CSMD2: variants seen among roughly 807,000 people sequenced by gnomAD.
CSMD2 encodes the protein CUB and Sushi multiple domains 2, also known as CUB and sushi domain-containing protein 2.
Under a neutral mutation model 398.5 loss-of-function variants are expected in CSMD2, and 130 were observed. That is an observed-to-expected ratio of 0.33 (90% confidence interval 0.28 to 0.38). The LOEUF (loss-of-function observed/expected upper bound fraction) is 0.38, where lower values mean the gene tolerates loss of function less well. CSMD2 is among the 10% of genes least tolerant of loss of function. The pLI is 1.00. For missense variants in CSMD2, 3,829 were observed against 4,764.9 expected, an observed-to-expected ratio of 0.80 and a Z score of 5.78; for synonymous variants, 1,828 against 1,908.5, an observed-to-expected ratio of 0.96 and a Z score of 1.10.
chr1:33,664,464 C>T (rs771746568), intron 25 of CSMD2, among the ~76,000 whole-genome samples: 32 of 152,116 alleles, frequency 2.1e-4, no homozygotes, highest in Non-Finnish European at 1.3e-4. Flanking sequence ...GCTAATATTT[C>T]AGTTGACTTG....
intron 28 of CSMD2, among the ~76,000 whole-genome samples, chr1:33,651,361 G>A (rs1043768132): frequency 2.6e-5 from 4 of 152,178 alleles, no homozygotes; most frequent in Admixed American, 2.6e-4. Context: ...CTCTTCTGGG[G>A]GAGAAAAAAT....
At chr1:34,143,541 G>A (rs1010400988) in intron 1 of CSMD2, among the ~76,000 whole-genome samples, 2 of 152,156 alleles carry the variant, frequency 1.3e-5, no homozygotes, top group Non-Finnish European at 2.9e-5. Flanking sequence ...CTCTGCAGGT[G>A]ATATATTAGA....
rs141234119 is a variant in CSMD2 at position 33,780,881 on chromosome 1, T to C, written c.1663+7719A>G. Among the ~76,000 whole-genome samples, 48 of 152,278 alleles carry C rather than the reference T, an allele frequency of 3.2e-4. No homozygotes were observed. The East Asian group carries it at 8.9e-3, about 28-fold the overall frequency. On this transcript the variant is annotated intron_variant, in intron 12 of 70. Coordinates refer to ENST00000373381, the MANE Select transcript of CSMD2 (RefSeq NM_001281956.2). ...AAGTTGGAATGTTTGGGCCTTCCAG[T>C]TTATGGGGAAAAGACAAGAAATAGA...
At chr1:33,914,057 A>G (rs2125272400) in intron 5 of CSMD2, among the ~76,000 whole-genome samples, 1 of 152,260 alleles carries the variant, frequency 6.6e-6, no homozygotes, top group East Asian at 1.9e-4. Flanking sequence ...CCCCAGTCCC[A>G]GTCCTTTGAA....
chr1:33,896,318 G>A (rs760464393), intron 5 of CSMD2, among the ~76,000 whole-genome samples: 1 of 152,010 alleles, frequency 6.6e-6, no homozygotes, highest in African/African-American at 2.4e-5. Context: ...GCACATTTTT[G>A]CAGTAGGACC....
intron 1 of CSMD2, among the ~76,000 whole-genome samples, chr1:34,133,679 CTA>C (rs1638396345): frequency 6.6e-6 from 1 of 151,900 alleles, no homozygotes; most frequent in South Asian, 2.1e-4. Context: ...GTGCAAAAGG[CTA>C]TGTTTCACAC....
At chr1:33,675,653 A>C (rs1367877725) in intron 25 of CSMD2, among the ~76,000 whole-genome samples, 7 of 152,246 alleles carry the variant, frequency 4.6e-5, no homozygotes, top group East Asian at 1.9e-4. Context: ...GAGACACAAC[A>C]AAAAAAGAGA....
Position 34,164,929 on chromosome 1 carries a change from T to G in CSMD2, c.169A>C (p.Ser57Arg), listed in dbSNP as rs1397054412. ...LLLLLGCGLL[S>R]VSAAAGQNCT... is the part of the protein sequence containing the mutation. ...GACTCACCCGCGGCGGCCGAGACGC[T>G]GAGCAACCCACAGCCCAGCAACAGC... Residue 57 changes from serine (S) to arginine (R), a missense_variant, in exon 1 of 71, where the codon AGC (serine) becomes CGC (arginine). By Grantham distance (110) the Ser-to-Arg change is moderately radical. Transcript: ENST00000373381. This position sits in a 1 kb window ranked among gnomAD's most constrained non-coding sequence, Gnocchi z 6.2. 8.2e-7 allele frequency: 1 copy of G among 1,219,436 alleles called. No individual in the cohort carries two copies. The highest frequency in any genetic ancestry group is 4.3e-5 in the Admixed American group (1 of 23,182). 75.5% of individuals were successfully genotyped at this position (1,219,436 alleles called of 1,614,324 possible).
chr1:33,646,539 TG>T, intron 29 of CSMD2, 108 bp downstream of exon 29: 2 of 1,199,858 alleles, frequency 1.7e-6, no homozygotes, highest in Non-Finnish European at 1.2e-6. Flanking sequence ...AGGGTTGGTG[TG>T]GGCTTGCTGT....
intron 13 of CSMD2, among the ~76,000 whole-genome samples, chr1:33,756,740 T>C (rs990223984): frequency 4.6e-5 from 7 of 152,032 alleles, no homozygotes; most frequent in Admixed American, 4.6e-4. Context: ...CAAGGTCTTT[T>C]AAAAATCATG....
chr1:34,017,253 T>C (rs539092610), intron 3 of CSMD2, among the ~76,000 whole-genome samples: 5 of 152,362 alleles, frequency 3.3e-5, no homozygotes, highest in Middle Eastern at 3.4e-3. Flanking sequence ...GAAATTCACC[T>C]ACTTTTAACA....
chr1:34,150,600 A>G (rs1260434168), intron 1 of CSMD2, among the ~76,000 whole-genome samples: 3 of 152,154 alleles, frequency 2.0e-5, no homozygotes, highest in Non-Finnish European at 2.9e-5. Flanking sequence ...CTCACTAAGC[A>G]TAGGGCCTGA....
At chr1:33,561,959 A>G (rs1190185958) in intron 53 of CSMD2, among the ~76,000 whole-genome samples, 1 of 152,160 alleles carries the variant, frequency 6.6e-6, no homozygotes, top group Non-Finnish European at 1.5e-5. Flanking sequence ...AAGAGAGAGA[A>G]GAATGTTGAG....
At chr1:33,572,795 C>A (rs1165874295) in intron 49 of CSMD2, 104 bp from the exon 50 acceptor site, 3 of 833,476 alleles carry the variant, frequency 3.6e-6, no homozygotes, top group East Asian at 2.9e-5. Flanking sequence ...TTAGTAAAAA[C>A]TAATTAAAGG....
At chr1:34,004,527 T>C (rs1168593333) in intron 3 of CSMD2, among the ~76,000 whole-genome samples, 1 of 152,208 alleles carries the variant, frequency 6.6e-6, no homozygotes, top group Non-Finnish European at 1.5e-5. Context: ...ATTTTCTTGA[T>C]TCAAGCACGC....
intron 3 of CSMD2, among the ~76,000 whole-genome samples, chr1:33,955,136 C>T (rs1157195978): frequency 2.0e-5 from 3 of 152,246 alleles, no homozygotes; most frequent in Admixed American, 1.3e-4. Flanking sequence ...GGATCCCCAT[C>T]TGCCTTTCTC....
chr1:33,554,017 T>C (rs547897629), intron 55 of CSMD2, among the ~76,000 whole-genome samples: 1 of 151,808 alleles, frequency 6.6e-6, no homozygotes, highest in East Asian at 1.9e-4. Flanking sequence ...CAAGCAGAGG[T>C]TGGCTTATGA....
At chr1:33,966,368 G>A (rs16836145) in intron 3 of CSMD2, among the ~76,000 whole-genome samples, 10,234 of 152,240 alleles carry the variant, frequency 0.067, 823 homozygotes, top group East Asian at 0.37. Context: ...GATCCAGGAC[G>A]TAATTCCCAA....
intron 27 of CSMD2, among the ~76,000 whole-genome samples, chr1:33,655,268 G>A (rs2148977843): frequency 6.6e-6 from 1 of 152,328 alleles, no homozygotes; most frequent in Admixed American, 6.5e-5. Flanking sequence ...CTCATTGGCT[G>A]TGTGAGTTTG....
Sources: allele counts gnomAD v4.1 joint callset (sites outside exome capture counted in the v4.1 genomes callset), GRCh38; gene constraint gnomAD v4.1.1; non-coding constraint Gnocchi (gnomAD v3.1); transcripts MANE v1.5; gene names NCBI Gene and HGNC (gene_info 2026-07-23, HGNC 2026-07-21).